Variants in CENATAC observed in about 807,000 individuals in gnomAD.
CENATAC encodes centrosomal AT-AC splicing factor.
In CENATAC, 53 loss-of-function variants were observed where a neutral mutation model predicts 53.7. The observed-to-expected ratio is 0.99, with a 90% CI of 0.79 to 1.24. The LOEUF is 1.24. CENATAC is among the 50% of genes most tolerant of loss of function. The pLI is 0.00. For missense variants in CENATAC, 474 were observed against 417.8 expected, an observed-to-expected ratio of 1.13 and a Z score of -1.17; for synonymous variants, 156 against 144.6, an observed-to-expected ratio of 1.08 and a Z score of -0.57.
At chr11:119,007,483 TTTTA>T (rs989712543) in intron 3 of CENATAC, among the ~76,000 whole-genome samples, 5 of 151,972 alleles carry the variant, frequency 3.3e-5, no homozygotes, top group Admixed American at 2.0e-4. Flanking sequence ...AATCTGGCCT[TTTTA>T]TTTATTTATT....
chr11:119,002,342 A>ATT (rs368309024), intron 3 of CENATAC, among the ~76,000 whole-genome samples: 6 of 136,400 alleles, frequency 4.4e-5, no homozygotes, highest in Admixed American at 7.4e-5. Flanking sequence ...TAGAAAAAAG[A>ATT]TTTTTTTTTT....
chr11:119,011,861 G>C (rs1349523652), intron 5 of CENATAC, 78 bp from the exon 6 acceptor site: 15 of 1,221,582 alleles, frequency 1.2e-5, no homozygotes, highest in Non-Finnish European at 1.8e-5. Flanking sequence ...GTGATACTGG[G>C]GTCTGGAGGG....
intron 3 of CENATAC, among the ~76,000 whole-genome samples, chr11:119,008,941 ACAC>A (rs1386632598): frequency 2.0e-5 from 3 of 152,154 alleles, no homozygotes; most frequent in Non-Finnish European, 4.4e-5. Flanking sequence ...ATTTTATACA[ACAC>A]ATGTTTTTGT....
At chr11:119,009,360 C>T (rs542684230) in intron 3 of CENATAC, among the ~76,000 whole-genome samples, 1 of 152,312 alleles carries the variant, frequency 6.6e-6, no homozygotes, top group South Asian at 2.1e-4. Flanking sequence ...CTCCTGGCCT[C>T]TTGATCCACC....
At chr11:119,000,903 C>T (rs1033483874) in intron 3 of CENATAC, among the ~76,000 whole-genome samples, 1 of 146,638 alleles carries the variant, frequency 6.8e-6, no homozygotes, top group African/African-American at 2.7e-5. Context: ...CCTTTTTTTT[C>T]CACATAGATT....
At chr11:119,002,216 C>A (rs1267876135) in intron 3 of CENATAC, among the ~76,000 whole-genome samples, 1 of 106,784 alleles carries the variant, frequency 9.4e-6, no homozygotes. Flanking sequence ...AAGAGCAAAA[C>A]TCTGTCTCAA....
intron 3 of CENATAC, 95 bp from the exon 4 acceptor site, chr11:119,010,669 G>A (rs2134561190): frequency 1.8e-6 from 2 of 1,102,334 alleles, no homozygotes; most frequent in Non-Finnish European, 2.7e-6. Flanking sequence ...TCTGAATTTG[G>A]AATTTCTCAA....
At chr11:119,013,299 ATTTTTT>A in intron 8 of CENATAC, 37 bp downstream of exon 8, 1 of 1,336,532 alleles carries the variant, frequency 7.5e-7, no homozygotes, top group East Asian at 2.5e-5. Flanking sequence ...ACCCTGGGAG[ATTTTTT>A]TTTTTTTTTG....
intron 3 of CENATAC, among the ~76,000 whole-genome samples, chr11:119,000,290 T>C (rs1348489676): frequency 6.6e-6 from 1 of 152,220 alleles, no homozygotes; most frequent in Non-Finnish European, 1.5e-5. Context: ...TTGAATCCTA[T>C]TAGAAGCTGT....
intron 8 of CENATAC, among the ~76,000 whole-genome samples, chr11:119,013,709 C>G (rs939899391): frequency 2.0e-5 from 3 of 151,678 alleles, no homozygotes; most frequent in Non-Finnish European, 4.4e-5. Context: ...GTGATCCACC[C>G]GCCTCGGCCT....
intron 7 of CENATAC, chr11:119,013,012 A>T (rs989928538): frequency 7.3e-5 from 34 of 467,686 alleles, no homozygotes; most frequent in Non-Finnish European, 1.3e-4. Context: ...ACTTACAGAC[A>T]TCTCCACTGT....
At chr11:118,998,639 T>C (rs1235481164) in intron 2 of CENATAC, 46 bp downstream of exon 2, 2 of 1,541,752 alleles carry the variant, frequency 1.3e-6, no homozygotes, top group South Asian at 2.4e-5. Flanking sequence ...CGCATACATA[T>C]ACGGGAGGAG....
In CENATAC at chr11:118,998,658, G is replaced by T. The variant is rs943271901; in HGVS notation, c.284+65G>T. ...TACATATACGGGAGGAGGGTTTGGG[G>T]TGGGTGAGAAAAAGGACGCTTTTGT... On this transcript the variant is annotated intron_variant, in intron 2 of 10. Coordinates refer to ENST00000334418, the MANE Select transcript of CENATAC (RefSeq NM_198489.3). 5.2e-5 allele frequency: 79 copies of T among 1,508,744 alleles called. No individual in the cohort carries two copies. The African/African-American group carries it at 9.4e-4, about 18-fold the overall frequency. 93.5% of individuals were successfully genotyped at this position (1,508,744 alleles called of 1,614,324 possible). A position where few individuals can be genotyped will look rare whatever the true frequency, so the allele number is the denominator to read the frequency against.
rs903475692 is a variant in CENATAC at position 118,998,173 on chromosome 11, G to C, written c.-25G>C. The C allele has an allele frequency of 4.5e-6, 7 of 1,568,796 alleles. No individual in the cohort carries two copies. The highest frequency in any genetic ancestry group is 6.0e-6 in the Non-Finnish European group (7 of 1,160,116). On this transcript the variant is annotated 5_prime_UTR_variant, in exon 1 of 11. Transcript: ENST00000334418. ...GGATGGCGTAGGATCGGCCGCTGGT[G>C]GTGGTGATACCGGGTACCCGGGCTA...
Position 119,015,782 on chromosome 11 carries a change from C to A in CENATAC, c.*184C>A. 7.4e-7 allele frequency: 1 copy of A among 1,347,620 alleles called. No homozygotes were observed. Among genetic ancestry groups the A allele is most frequent in the South Asian group, 1.2e-5 (1 of 82,714 alleles). 83.5% of individuals were successfully genotyped at this position (1,347,620 alleles called of 1,614,324 possible). A position where few individuals can be genotyped will look rare whatever the true frequency, so the allele number is the denominator to read the frequency against. ...ACCTGTAAAAAAAAATTAAAAGAAT[C>A]AGAACCATAAAGCTTTGTATCTACC... On this transcript the variant is annotated 3_prime_UTR_variant, in exon 11 of 11. Coordinates refer to ENST00000334418, the MANE Select transcript of CENATAC (RefSeq NM_198489.3).
chr11:119,013,121 G>A (rs1299600153), intron 7 of CENATAC, 111 bp from the exon 8 acceptor site: 2 of 739,178 alleles, frequency 2.7e-6, no homozygotes, highest in African/African-American at 1.8e-5. Flanking sequence ...CATTGTGGCA[G>A]CAGTCACACC....
At chr11:119,015,513 G>A (rs369100949) in intron 10 of CENATAC, 25 bp from the exon 11 acceptor site, 34 of 1,613,944 alleles carry the variant, frequency 2.1e-5, no homozygotes, top group Middle Eastern at 1.6e-4. Context: ...CTTCATCATC[G>A]TGTTAACCCT....
At chr11:119,005,053 C>T (rs1010798170) in intron 3 of CENATAC, among the ~76,000 whole-genome samples, 3 of 149,190 alleles carry the variant, frequency 2.0e-5, no homozygotes, top group African/African-American at 5.0e-5. Context: ...GAGCAAAATA[C>T]CCTGTCTCAA....
At position 118,998,177 on chromosome 11, in the gene CENATAC, G is replaced by T; in HGVS notation, c.-21G>T. The T allele has an allele frequency of 6.4e-7, 1 of 1,570,876 alleles. No individual in the cohort carries two copies. Among genetic ancestry groups the T allele is most frequent in the Non-Finnish European group, 8.6e-7 (1 of 1,161,094 alleles). Reference sequence around the variant, plus strand: ...GGCGTAGGATCGGCCGCTGGTGGTGGTGATACCGGGTACCCGGGCTATGGC... The same window carrying T: ...GGCGTAGGATCGGCCGCTGGTGGTGTTGATACCGGGTACCCGGGCTATGGC... On this transcript the variant is annotated 5_prime_UTR_variant, in exon 1 of 11. Transcript: ENST00000334418.
Sources: allele counts gnomAD v4.1 joint callset (sites outside exome capture counted in the v4.1 genomes callset), GRCh38; gene constraint gnomAD v4.1.1; transcripts MANE v1.5; gene names NCBI Gene and HGNC (gene_info 2026-07-23, HGNC 2026-07-21).